RBFOX1: variants seen among roughly 807,000 people sequenced by gnomAD.
RBFOX1 encodes RNA binding protein fox-1 homolog 1.
In RBFOX1, 8 loss-of-function variants were observed where a neutral mutation model predicts 57.7. The observed-to-expected ratio is 0.14, with a 90% confidence interval of 0.08 to 0.25. The LOEUF (loss-of-function observed/expected upper bound fraction) is 0.25. Among genes scored for constraint, RBFOX1 ranks in the 10% least tolerant of loss-of-function variants. The pLI, the probability that RBFOX1 is intolerant of heterozygous loss-of-function variation, is 1.00. For missense variants in RBFOX1, 611 were observed against 548.5 expected, an observed-to-expected ratio of 1.11 and a Z score of -1.14; for synonymous variants, 326 against 222.4, an observed-to-expected ratio of 1.47 and a Z score of -4.15.
At chr16:5,649,955 G>A (rs74449960) in intron 3 of RBFOX1, among the ~76,000 whole-genome samples, 17,727 of 152,218 alleles carry the variant, frequency 0.12, 1,941 homozygotes, top group East Asian at 0.56. Flanking sequence ...GCCTCCCGGT[G>A]GAACACGCGG....
At chr16:7,210,993 A>C (rs1192224470) in intron 4 of RBFOX1, among the ~76,000 whole-genome samples, 1 of 151,960 alleles carries the variant, frequency 6.6e-6, no homozygotes, top group African/African-American at 2.4e-5. Context: ...GAGTGTGTTA[A>C]ATTGCTTGAC....
At chr16:5,558,341 G>A (rs986342445) in intron 2 of RBFOX1, among the ~76,000 whole-genome samples, 4 of 152,254 alleles carry the variant, frequency 2.6e-5, no homozygotes, top group African/African-American at 9.6e-5. Context: ...CCTAGATGCA[G>A]CTGTGGAGGC....
intron 4 of RBFOX1, among the ~76,000 whole-genome samples, chr16:5,916,411 A>C (rs1371162155): frequency 1.3e-5 from 2 of 151,912 alleles, no homozygotes; most frequent in Non-Finnish European, 2.9e-5. Flanking sequence ...CTCCTTTCCC[A>C]ATCTCTTTGC....
intron 5 of RBFOX1, chr16:7,519,797 A>G: frequency 1.2e-6 from 1 of 849,250 alleles, no homozygotes; most frequent in Non-Finnish European, 1.4e-6. Flanking sequence ...GAAGCATGAT[A>G]CATTTCCTGT....
At chr16:5,593,604 C>G (rs916602567) in intron 2 of RBFOX1, among the ~76,000 whole-genome samples, 1 of 152,170 alleles carries the variant, frequency 6.6e-6, no homozygotes, top group Non-Finnish European at 1.5e-5. Flanking sequence ...CTGCTACACT[C>G]CCACCAGCGT....
At chr16:6,321,266 A>G (rs779483540) in intron 2 of RBFOX1, among the ~76,000 whole-genome samples, 1 of 152,158 alleles carries the variant, frequency 6.6e-6, no homozygotes, top group Non-Finnish European at 1.5e-5. Flanking sequence ...ATTTAAGAAC[A>G]TGTGGCTTGT....
chr16:6,013,897 G>A (rs2094977061), intron 4 of RBFOX1, among the ~76,000 whole-genome samples: 1 of 149,886 alleles, frequency 6.7e-6, no homozygotes, highest in African/African-American at 2.5e-5. Flanking sequence ...TCACTCACAG[G>A]TGGGAATTGA....
chr16:5,811,514 A>T (rs541947883), intron 3 of RBFOX1, among the ~76,000 whole-genome samples: 66 of 150,916 alleles, frequency 4.4e-4, no homozygotes, highest in Middle Eastern at 3.4e-3. Flanking sequence ...GCAGTGGCAC[A>T]ATCTCAGCTC....
intron 1 of RBFOX1, among the ~76,000 whole-genome samples, chr16:6,106,192 C>T (rs1293218616): frequency 6.6e-6 from 1 of 152,058 alleles, no homozygotes; most frequent in Non-Finnish European, 1.5e-5. Context: ...CCCAGTAGCT[C>T]CTGCCTGTAA....
At chr16:6,050,803 T>C (rs2095544442) in intron 1 of RBFOX1, among the ~76,000 whole-genome samples, 1 of 151,948 alleles carries the variant, frequency 6.6e-6, no homozygotes, top group African/African-American at 2.4e-5. Context: ...ATTTCAAATA[T>C]ATGAGCTTGT....
intron 4 of RBFOX1, among the ~76,000 whole-genome samples, chr16:7,082,026 T>C (rs759520444): frequency 2.6e-5 from 4 of 152,142 alleles, no homozygotes; most frequent in African/African-American, 4.8e-5. Flanking sequence ...GAAGAAGCGA[T>C]TGAATTCCTC....
At chr16:6,810,626 A>C (rs997777644) in intron 3 of RBFOX1, among the ~76,000 whole-genome samples, 1 of 152,016 alleles carries the variant, frequency 6.6e-6, no homozygotes, top group South Asian at 2.1e-4. Flanking sequence ...GAGACTGGGT[A>C]TTTTATAAAG....
At chr16:5,802,707 A>G (rs2055099415) in intron 3 of RBFOX1, among the ~76,000 whole-genome samples, 1 of 152,146 alleles carries the variant, frequency 6.6e-6, no homozygotes, top group Admixed American at 6.5e-5. Context: ...CTGATATTTT[A>G]CTAACTAAAG....
At chr16:7,114,731 C>T (rs558634031) in intron 4 of RBFOX1, among the ~76,000 whole-genome samples, 414 of 152,272 alleles carry the variant, frequency 2.7e-3, no homozygotes, top group Non-Finnish European at 4.1e-3. Flanking sequence ...ATGAAGAGTC[C>T]TGCTAGGTGC....
At chr16:6,119,488 T>C (rs922108559) in intron 1 of RBFOX1, among the ~76,000 whole-genome samples, 23 of 152,214 alleles carry the variant, frequency 1.5e-4, no homozygotes, top group African/African-American at 5.3e-4. Context: ...AACTTAAAAG[T>C]ACACTAATTT....
rs193057934 is a variant in RBFOX1 at position 6,114,323 on chromosome 16, A to G, written c.-127+94331A>G. ...ACGGTTACAGTCTTTGAGGAATTTTATTTCCATCTTATGCAATTAAGAATA... is the reference window on the plus strand; with the variant it reads ...ACGGTTACAGTCTTTGAGGAATTTTGTTTCCATCTTATGCAATTAAGAATA... On this transcript the variant is annotated intron_variant, in intron 1 of 15. Coordinates refer to ENST00000550418, the MANE Select transcript of RBFOX1 (RefSeq NM_018723.4). 3.9e-5 allele frequency among the ~76,000 whole-genome samples: 6 copies of G among 152,292 alleles called. 1 individual carries two copies. The East Asian group carries it at 1.2e-3, about 29-fold the overall frequency.
chr16:7,472,313 C>G (rs936535921), intron 4 of RBFOX1, among the ~76,000 whole-genome samples: 1 of 139,470 alleles, frequency 7.2e-6, no homozygotes. Flanking sequence ...ACCAAATTAC[C>G]AAATAGTAAT....
At chr16:7,511,655 C>T (rs1020197077) in intron 4 of RBFOX1, among the ~76,000 whole-genome samples, 23 of 151,930 alleles carry the variant, frequency 1.5e-4, no homozygotes, top group African/African-American at 5.3e-4. Context: ...GACTTGGTTG[C>T]ATTTTAATAA....
In RBFOX1 at chr16:7,425,974, A is replaced by G. The variant is rs117210771; in HGVS notation, c.28-92173A>G. On this transcript the variant is annotated intron_variant, in intron 4 of 15. Coordinates refer to ENST00000550418, the MANE Select transcript of RBFOX1 (RefSeq NM_018723.4). ...GTGCTGTATCCATGAGCTCAGATCA[A>G]TTGTTTATACACATTGGTGTTCATT... 1.3e-4 allele frequency among the ~76,000 whole-genome samples: 20 copies of G among 152,340 alleles called. No individual in the cohort carries two copies. The East Asian group carries it at 2.5e-3, about 19-fold the overall frequency.
Sources: gnomAD v4.1 joint callset for allele counts (sites outside exome capture counted in the v4.1 genomes callset) on GRCh38, gnomAD v4.1.1 for gene constraint, MANE v1.5 for transcripts, NCBI Gene and HGNC (gene_info 2026-07-23, HGNC 2026-07-21) for gene names.